Variants in LRIG3 observed in about 807,000 individuals in gnomAD.
The protein encoded by LRIG3 is leucine-rich repeats and immunoglobulin-like domains protein 3.
A neutral mutation model predicts 114.5 loss-of-function variants in LRIG3; 76 were observed. The ratio of observed to expected loss-of-function variants is 0.66; its 90% confidence interval spans 0.55 to 0.80. The LOEUF (loss-of-function observed/expected upper bound fraction) is 0.80. LRIG3 is among the 30% of genes least tolerant of loss of function. The pLI, the probability that LRIG3 is intolerant of heterozygous loss-of-function variation, is 0.00. For synonymous variants in LRIG3, 512 were observed against 519.8 expected, an observed-to-expected ratio of 0.98 and a Z score of 0.20; for missense variants, 1,239 against 1,382.8, an observed-to-expected ratio of 0.90 and a Z score of 1.65.
chr12:58,894,269 C>T (rs371332252), intron 3 of LRIG3, among the ~76,000 whole-genome samples: 108 of 152,262 alleles, frequency 7.1e-4, no homozygotes, highest in African/African-American at 2.3e-3. Flanking sequence ...CTTCCTAGCA[C>T]AAAAATCCCT....
At chr12:58,880,259 G>A (rs1871076966) in intron 13 of LRIG3, 1 of 386,446 alleles carries the variant, frequency 2.6e-6, no homozygotes, top group South Asian at 2.1e-5. Context: ...TTGCAACCAG[G>A]ATGTCATCCA....
chr12:58,920,320 ACGCC>A lies in LRIG3; in HGVS notation c.-89_-86del. The stretch of plus-strand genomic sequence containing the variant: ...GGCACAAACTTCCAGCCGAGGGTGC[ACGCC>A]CGCCCTCGCGGTCGCGTGCGCGCTC... On this transcript the variant is annotated 5_prime_UTR_variant, in exon 1 of 19. Transcript: ENST00000320743. The A allele has an allele frequency of 9.6e-7, 1 of 1,037,516 alleles. No individual in the cohort carries two copies. Among genetic ancestry groups the A allele is most frequent in the East Asian group, 3.3e-5 (1 of 30,064 alleles). 64.3% of individuals were successfully genotyped at this position (1,037,516 alleles called of 1,614,324 possible).
intron 3 of LRIG3, among the ~76,000 whole-genome samples, chr12:58,908,863 T>G (rs1234045841): frequency 6.6e-6 from 1 of 152,196 alleles, no homozygotes; most frequent in Admixed American, 6.5e-5. Flanking sequence ...ATACCTGCAT[T>G]AAGTGCTGAG....
chr12:58,878,040 A>C (rs145682479), intron 14 of LRIG3, among the ~76,000 whole-genome samples, 188 bp from the exon 15 acceptor site: 5 of 152,348 alleles, frequency 3.3e-5, no homozygotes, highest in African/African-American at 1.2e-4. Context: ...TCATTTACTC[A>C]TAACACCAGT....
intron 15 of LRIG3, 63 bp downstream of exon 15, chr12:58,877,337 G>T (rs924342451): frequency 8.6e-6 from 13 of 1,507,994 alleles, no homozygotes; most frequent in Non-Finnish European, 1.1e-5. Context: ...CGTTCTAGAA[G>T]TATTTGCAGA....
chr12:58,885,930 T>C (rs1871263421), intron 9 of LRIG3, 28 bp from the exon 10 acceptor site: 1 of 1,517,576 alleles, frequency 6.6e-7, no homozygotes, highest in Non-Finnish European at 9.0e-7. Flanking sequence ...ATTGGAGCAC[T>C]TAATTTAAAA....
intron 3 of LRIG3, among the ~76,000 whole-genome samples, chr12:58,907,083 C>T (rs755100873): frequency 6.6e-5 from 10 of 152,168 alleles, no homozygotes; most frequent in African/African-American, 2.4e-4. Context: ...CTTCCCCTCA[C>T]GCTCCACACA....
chr12:58,872,563 T>TC lies in LRIG3; in HGVS notation c.*8dup. ...AGTATGTTAAGCTTTTCCTTTGGTC[T>TC]CATTCAGTCTATGTGTCCAAGTCAT... On this transcript the variant is annotated 3_prime_UTR_variant, in exon 19 of 19. Transcript: ENST00000320743. 1 of 1,594,480 alleles carries TC rather than the reference T, an allele frequency of 6.3e-7. No individual in the cohort carries two copies. The highest frequency in any genetic ancestry group is 8.6e-7 in the Non-Finnish European group (1 of 1,168,576).
intron 5 of LRIG3, 83 bp downstream of exon 5, chr12:58,889,909 CTTTT>C (rs1167794676): frequency 2.7e-5 from 40 of 1,505,674 alleles, no homozygotes; most frequent in Non-Finnish European, 3.5e-5. Flanking sequence ...TCCTAAACTC[CTTTT>C]TGCCACATTG....
chr12:58,890,311 A>G (rs1293480503), intron 4 of LRIG3, among the ~76,000 whole-genome samples, 172 bp from the exon 5 acceptor site: 1 of 152,222 alleles, frequency 6.6e-6, no homozygotes, highest in African/African-American at 2.4e-5. Context: ...TATTGCTGGG[A>G]AAAGAGTGAT....
intron 3 of LRIG3, among the ~76,000 whole-genome samples, chr12:58,912,569 C>A (rs994357770): frequency 6.6e-6 from 1 of 152,180 alleles, no homozygotes; most frequent in Non-Finnish European, 1.5e-5. Flanking sequence ...ATGCTCTCAA[C>A]GCTATACCAT....
In LRIG3 at chr12:58,890,771, G is replaced by A; in HGVS notation, c.409C>T (p.Leu137Phe). 1.9e-6 allele frequency: 3 copies of A among 1,606,022 alleles called. No homozygotes were observed. The highest frequency in any genetic ancestry group is 2.5e-6 in the Non-Finnish European group (3 of 1,176,914). ...TGAAACTCTTTCAGATGTTCAGGGA[G>A]TATTTCAACAATCCTGTTTCCAGCC... ...SLAGNRIVEI[L>F]PEHLKEFQSL... Residue 137 changes from leucine to phenylalanine, a missense_variant, in exon 4 of 19, where the codon CTC becomes TTC. Physicochemically the swap from Leu to Phe is conservative, Grantham distance 22 (BLOSUM62 0). Coordinates refer to ENST00000320743, the MANE Select transcript of LRIG3 (RefSeq NM_153377.5).
At chr12:58,881,804 C>T (rs573492809) in intron 12 of LRIG3, among the ~76,000 whole-genome samples, 3 of 152,240 alleles carry the variant, frequency 2.0e-5, no homozygotes, top group South Asian at 2.1e-4. Flanking sequence ...ATATTGTAAT[C>T]GAGGTGTTTT....
At chr12:58,886,299 T>C (rs1278851196) in intron 9 of LRIG3, among the ~76,000 whole-genome samples, 1 of 152,046 alleles carries the variant, frequency 6.6e-6, no homozygotes, top group East Asian at 1.9e-4. Flanking sequence ...TTTGGGACTA[T>C]AGGGAGCTGA....
intron 3 of LRIG3, among the ~76,000 whole-genome samples, chr12:58,900,930 A>G (rs1871824397): frequency 6.6e-6 from 1 of 152,322 alleles, no homozygotes; most frequent in East Asian, 1.9e-4. Context: ...ACTGGCATTA[A>G]CCTTTAGGGA....
rs753997497 is a variant in LRIG3, at chr12:58,890,017, T to G, written c.638A>C (p.Lys213Thr). ...RISAIPPKMF[K>T]LPQLQHLELN... is the part of the protein sequence containing the mutation. ...TTACAGATGTTGCAGTTGGGGCAGTTTAAACATCTTGGGTGGGATAGCTGA... is the reference window on the plus strand; with the variant it reads ...TTACAGATGTTGCAGTTGGGGCAGTGTAAACATCTTGGGTGGGATAGCTGA... Residue 213 changes from lysine to threonine, a missense_variant, in exon 5 of 19, where the codon AAA (lysine) becomes ACA (threonine). Physicochemically the swap from Lys to Thr is moderately conservative, Grantham distance 78. Transcript: ENST00000320743. The G allele has an allele frequency of 8.7e-6, 14 of 1,613,642 alleles. No homozygotes were observed. Among genetic ancestry groups the G allele is most frequent in the African/African-American group, 1.3e-5 (1 of 74,894 alleles).
rs1193346923 is a variant in LRIG3, at chr12:58,890,048, G to A, written c.607C>T (p.Arg203Ter). 3 of 1,613,762 alleles carry A rather than the reference G, an allele frequency of 1.9e-6. No homozygotes were observed. The highest frequency in any genetic ancestry group is 1.7e-5 in the Admixed American group (1 of 59,990). ...ATCTTGGGTGGGATAGCTGAGATTC[G>A]GTTCCTGTTCAGCTTTAACACAAGG... Reference protein sequence around the residue: ...TLLVLKLNRNRISAIPPKMFK... With the variant: ...TLLVLKLNRN The change falls in exon 5 of 19, where the codon CGA becomes TGA. Residue 203 changes from arginine (R) to a stop codon, truncating the protein, a stop_gained. Transcript: ENST00000320743. LOFTEE classifies it high-confidence loss of function.
In LRIG3 at chr12:58,878,841, G is replaced by A. The variant is rs1871019045; in HGVS notation, c.2066C>T (p.Ala689Val). 5.0e-6 allele frequency: 8 copies of A among 1,613,764 alleles called. No individual in the cohort carries two copies. Among genetic ancestry groups the A allele is most frequent in the Non-Finnish European group, 6.8e-6 (8 of 1,179,708 alleles). ...QNSAGSISANATLTVLETPSF... is the reference protein window; with the variant it reads ...QNSAGSISANVTLTVLETPSF... ...TCACCCACCTAGGACAGTCAGAGTT[G>A]CATTTGCTGAAATACTTCCTGCACT... is the stretch of plus-strand genomic sequence containing the variant. The change falls in exon 14 of 19, where the codon GCA becomes GTA. Residue 689 changes from alanine to valine, a missense_variant. Physicochemically the swap from Ala to Val is moderately conservative, Grantham distance 64 (BLOSUM62 0). Transcript: ENST00000320743.
chr12:58,872,862 T>C (rs1273660865), intron 18 of LRIG3, 46 bp from the exon 19 acceptor site: 2 of 1,577,906 alleles, frequency 1.3e-6, no homozygotes, highest in African/African-American at 1.4e-5. Flanking sequence ...TTTGCTAGCA[T>C]GTGAATCAAT....
Sources: gnomAD v4.1 joint callset for allele counts (sites outside exome capture counted in the v4.1 genomes callset) on GRCh38, gnomAD v4.1.1 for gene constraint, MANE v1.5 for transcripts, NCBI Gene and HGNC (gene_info 2026-07-23, HGNC 2026-07-21) for gene names.